Variants in ADCYAP1R1 observed in about 807,000 individuals in gnomAD.
ADCYAP1R1 encodes pituitary adenylate cyclase-activating polypeptide type I receptor.
Under a neutral mutation model 67.6 loss-of-function variants are expected in ADCYAP1R1, and 44 were observed. That is an observed-to-expected ratio of 0.65 (90% CI 0.51 to 0.84). The LOEUF is 0.84. ADCYAP1R1 is among the 40% of genes least tolerant of loss of function. The pLI, the probability that ADCYAP1R1 is intolerant of heterozygous loss-of-function variation, is 0.00. For synonymous variants in ADCYAP1R1, 222 were observed against 219.6 expected (o/e 1.01, Z -0.10); for missense variants, 477 against 587.9 (o/e 0.81, Z 1.95).
chr7:31,065,159 T>C (rs1794682871), intron 3 of ADCYAP1R1, among the ~76,000 whole-genome samples: 1 of 152,180 alleles, frequency 6.6e-6, no homozygotes, highest in East Asian at 1.9e-4. Flanking sequence ...TCTGGGTGAC[T>C]GGACATGGCT....
At chr7:31,077,306 G>A (rs1233232749) in intron 3 of ADCYAP1R1, among the ~76,000 whole-genome samples, 1 of 151,550 alleles carries the variant, frequency 6.6e-6, no homozygotes, top group Admixed American at 6.6e-5. Context: ...TGTGTGATGT[G>A]TGTGGTATGT....
intron 12 of ADCYAP1R1, among the ~76,000 whole-genome samples, chr7:31,092,196 T>C (rs1368485257): frequency 6.6e-6 from 1 of 150,504 alleles, no homozygotes; most frequent in Admixed American, 6.7e-5. Context: ...GCAATGCTAC[T>C]ATTACCACTC....
chr7:31,101,403 T>A (rs959528678), intron 13 of ADCYAP1R1, among the ~76,000 whole-genome samples: 27 of 152,170 alleles, frequency 1.8e-4, no homozygotes, highest in African/African-American at 4.8e-4. Flanking sequence ...GTCCCACCTA[T>A]GGGAACAGAT....
At position 31,109,914 on chromosome 7, in the gene ADCYAP1R1, T is replaced by C. The variant is rs947066579; in HGVS notation, c.*3230T>C. 2 of 152,100 alleles carry C rather than the reference T, an allele frequency of 1.3e-5. No homozygotes were observed. Among genetic ancestry groups the C allele is most frequent in the African/African-American group, 4.8e-5 (2 of 41,364 alleles). The allele number at this position is 152,100 out of a possible 1,614,324, so 9.4% of individuals were successfully genotyped here. ...CACATTGTCTATCCCAGTGTGTAGC[T>C]CTGTCACCCTGCTTGACACATCCAG... is the stretch of plus-strand genomic sequence containing the variant. On this transcript the variant is annotated 3_prime_UTR_variant, in exon 16 of 16. Coordinates refer to ENST00000304166, the MANE Select transcript of ADCYAP1R1 (RefSeq NM_001118.5).
At chr7:31,096,487 G>C (rs1261147102) in intron 13 of ADCYAP1R1, among the ~76,000 whole-genome samples, 1 of 152,176 alleles carries the variant, frequency 6.6e-6, no homozygotes. Flanking sequence ...GCTGGCAGTA[G>C]GGACTAGTTA....
At chr7:31,058,919 C>A (rs143274951) in intron 1 of ADCYAP1R1, among the ~76,000 whole-genome samples, 1 of 152,184 alleles carries the variant, frequency 6.6e-6, no homozygotes, top group Non-Finnish European at 1.5e-5. Context: ...CTCTGTGTGT[C>A]GGTCACCTCC....
In ADCYAP1R1 at chr7:31,086,350, C is replaced by A; in HGVS notation, c.670-34C>A. 6.2e-7 allele frequency: 1 copy of A among 1,607,762 alleles called. No homozygotes were observed. Among genetic ancestry groups the A allele is most frequent in the Non-Finnish European group, 8.5e-7 (1 of 1,177,638 alleles). On this transcript the variant is annotated intron_variant, in intron 9 of 15. Transcript: ENST00000304166. This position sits in a 1 kb window ranked among gnomAD's most constrained non-coding sequence, Gnocchi z 5.0. ...CTCCCTTGCTCCTGTTCCTGTTGGG[C>A]TCACGCCCCTCACCCTGGCGCTTCT...
At chr7:31,087,139 T>A in intron 11 of ADCYAP1R1, 136 bp downstream of exon 11, 1 of 1,033,392 alleles carries the variant, frequency 9.7e-7, no homozygotes, top group Non-Finnish European at 1.4e-6. Context: ...AGCCCAGCAC[T>A]GGGCACCACC....
At chr7:31,072,521 C>A (rs748398047) in intron 3 of ADCYAP1R1, among the ~76,000 whole-genome samples, 5 of 152,196 alleles carry the variant, frequency 3.3e-5, no homozygotes, top group Non-Finnish European at 7.3e-5. Context: ...GACTCCTCTC[C>A]AACCCTGCTG....
intron 3 of ADCYAP1R1, among the ~76,000 whole-genome samples, chr7:31,077,351 T>C (rs1055370532): frequency 2.0e-5 from 3 of 149,790 alleles, no homozygotes; most frequent in Admixed American, 1.3e-4. Flanking sequence ...ATGTGAGTGG[T>C]GTGTGTGTGA....
At position 31,096,850 on chromosome 7, in the gene ADCYAP1R1, G is replaced by A. The variant is rs998423812; in HGVS notation, c.1046+4115G>A. Among the ~76,000 whole-genome samples, 7 of 2,114 alleles carry A rather than the reference G, an allele frequency of 3.3e-3. 1 individual carries two copies. Among genetic ancestry groups the A allele is most frequent in the Admixed American group, 5.6e-3 (1 of 180 alleles). 1.4% of individuals were successfully genotyped at this position (2,114 alleles called of 152,430 possible). On this transcript the variant is annotated intron_variant, in intron 13 of 15. Coordinates refer to ENST00000304166, the MANE Select transcript of ADCYAP1R1 (RefSeq NM_001118.5). ...CTCAGTCCACCACATTCTGTGGACC[G>A]CCAAGTGGCCAGCACCACAGTGATC... is the stretch of plus-strand genomic sequence containing the variant.
intron 1 of ADCYAP1R1, among the ~76,000 whole-genome samples, chr7:31,058,568 G>A (rs1045202341): frequency 4.6e-5 from 7 of 152,140 alleles, no homozygotes; most frequent in Non-Finnish European, 7.3e-5. Context: ...AAAGTGTGTC[G>A]CCTTCTCTGG....
chr7:31,063,138 T>G, intron 1 of ADCYAP1R1, 56 bp from the exon 2 acceptor site: 1 of 1,115,680 alleles, frequency 9.0e-7, no homozygotes, highest in Non-Finnish European at 1.3e-6. Context: ...GGAGGTGGTC[T>G]TGCCCCCGGC....
In ADCYAP1R1 at chr7:31,102,718, G is replaced by C; in HGVS notation, c.1047-519G>C. 6.6e-6 allele frequency among the ~76,000 whole-genome samples: 1 copy of C among 152,090 alleles called. No homozygotes were observed. The highest frequency in any genetic ancestry group is 1.9e-4 in the East Asian group (1 of 5,188). On this transcript the variant is annotated intron_variant, in intron 13 of 15. Transcript: ENST00000304166. The surrounding 1 kb of genome is among the most constrained non-coding windows in gnomAD (Gnocchi z 4.3). The stretch of plus-strand genomic sequence containing the variant: ...TTTCTTCCTCTGTGATCCACTCACT[G>C]AGCCTTTCCTCCCTCCCTGCCATCA...
chr7:31,058,405 CTCCAGGT>C (rs1175445007), intron 1 of ADCYAP1R1, among the ~76,000 whole-genome samples: 1 of 152,196 alleles, frequency 6.6e-6, no homozygotes, highest in Non-Finnish European at 1.5e-5. Context: ...GTCAGTTTCA[CTCCAGGT>C]TCGGTGGCTG....
intron 1 of ADCYAP1R1, among the ~76,000 whole-genome samples, chr7:31,053,775 C>T (rs1026273775): frequency 2.0e-5 from 3 of 152,214 alleles, no homozygotes; most frequent in African/African-American, 7.2e-5. Context: ...TTCCCATGAG[C>T]GGCCCTGGGG....
intron 6 of ADCYAP1R1, among the ~76,000 whole-genome samples, chr7:31,082,301 C>T (rs536285678): frequency 3.3e-5 from 5 of 152,238 alleles, no homozygotes; most frequent in African/African-American, 1.2e-4. Context: ...GGCACAATGA[C>T]CGCGGGGTTT....
At chr7:31,087,356 G>A (rs959786344) in intron 11 of ADCYAP1R1, among the ~76,000 whole-genome samples, 2 of 152,212 alleles carry the variant, frequency 1.3e-5, no homozygotes, top group Non-Finnish European at 2.9e-5. Flanking sequence ...CCTTTCCCAG[G>A]AGCTCACTGG....
In ADCYAP1R1 at chr7:31,078,055, G is replaced by A; in HGVS notation, c.222G>A (p.Leu74=). ...WKPAHVGEMV[L]VSCPELFRIF... ...CCGCCCATGTGGGTGAGATGGTCCT[G>A]GTCAGCTGCCCTGAGCTCTTCCGAA... is the stretch of plus-strand genomic sequence containing the variant. Residue 74 remains leucine, a synonymous_variant, in exon 4 of 16, where the codon CTG becomes CTA. Transcript: ENST00000304166. The A allele has an allele frequency of 6.2e-7, 1 of 1,613,260 alleles. No homozygotes were observed. The highest frequency in any genetic ancestry group is 8.5e-7 in the Non-Finnish European group (1 of 1,179,538).
Sources: gnomAD v4.1 joint callset for allele counts (sites outside exome capture counted in the v4.1 genomes callset) on GRCh38, gnomAD v4.1.1 for gene constraint, Gnocchi (gnomAD v3.1) non-coding constraint, MANE v1.5 for transcripts, NCBI Gene and HGNC (gene_info 2026-07-23, HGNC 2026-07-21) for gene names.